CCDC144A: variants seen among roughly 807,000 people sequenced by gnomAD.
CCDC144A encodes the protein coiled-coil domain-containing protein 144A.
CCDC144A carries 41 observed loss-of-function variants against 143.8 expected under a neutral mutation model. The ratio of observed to expected loss-of-function variants is 0.29; its 90% CI spans 0.22 to 0.37. The LOEUF is 0.37. Ranked by LOEUF, CCDC144A falls within the 10% of genes least tolerant of loss-of-function variation. The pLI is 1.00. For missense variants in CCDC144A, 637 were observed against 1,488.8 expected (o/e 0.43, Z 9.41); for synonymous variants, 242 against 517.9 (o/e 0.47, Z 7.23).
the CCDC144A span, among the ~76,000 whole-genome samples, chr17:16,673,877 T>G: frequency 3.9e-5 from 6 of 152,124 alleles, no homozygotes; most frequent in African/African-American, 1.4e-4. Flanking sequence ...TGTATCTAAC[T>G]TACAGTAACC....
upstream of CCDC144A, among the ~76,000 whole-genome samples, chr17:16,685,634 C>T (rs1171504157): frequency 8.6e-5 from 13 of 151,860 alleles, no homozygotes; most frequent in Admixed American, 3.3e-4. Flanking sequence ...CCACCTGCCT[C>T]GGCCTCCCAA....
In CCDC144A at chr17:16,706,421, G is replaced by C; in HGVS notation, c.664+1022G>C. On this transcript the variant is annotated intron_variant, in intron 3 of 16. Coordinates refer to ENST00000399273, the MANE Select transcript of CCDC144A (RefSeq NM_001382000.1). ...ACTTCTGCTCAGCTCTCCATCTTTAGCCCTTTCCCCTGTGTGCCCTTTCTC... is the reference window on the plus strand; with the variant it reads ...ACTTCTGCTCAGCTCTCCATCTTTACCCCTTTCCCCTGTGTGCCCTTTCTC... 1.4e-5 allele frequency: 2 copies of C among 142,942 alleles called. 1 individual carries two copies. Among genetic ancestry groups the C allele is most frequent in the Admixed American group, 1.4e-4 (2 of 14,528 alleles). 8.9% of individuals were successfully genotyped at this position (142,942 alleles called of 1,614,324 possible).
rs369258391 is a variant in CCDC144A at position 16,710,120 on chromosome 17, A to G, written c.1578+485A>G. 46 of 174,738 alleles carry G rather than the reference A, an allele frequency of 2.6e-4. 1 individual carries two copies. The highest frequency in any genetic ancestry group is 4.3e-4 in the Admixed American group (8 of 18,440). The allele number at this position is 174,738 out of a possible 1,614,324, so 10.8% of individuals were successfully genotyped here. The stretch of plus-strand genomic sequence containing the variant: ...CTAGGGAGCCTAAGGCAGGAGGATC[A>G]TTTGAGGCCAGGCATTCTGGGCCGT... On this transcript the variant is annotated intron_variant, in intron 5 of 16. Coordinates refer to ENST00000399273, the MANE Select transcript of CCDC144A (RefSeq NM_001382000.1).
rs554966795 is a variant in CCDC144A, at chr17:16,737,423, C to T, written c.3372+1780C>T. Reference sequence around the variant, plus strand: ...CCTCGTGATCCGCCCGCCTCGGCCTCCCAAAGTGCTGGGATTACAGGCGTG... The same window carrying T: ...CCTCGTGATCCGCCCGCCTCGGCCTTCCAAAGTGCTGGGATTACAGGCGTG... On this transcript the variant is annotated intron_variant, in intron 12 of 16. Transcript: ENST00000399273. 2.0e-5 allele frequency: 23 copies of T among 1,136,758 alleles called. No individual in the cohort carries two copies. In the South Asian group the frequency reaches 3.3e-4, roughly 16 times the overall value. The allele number at this position is 1,136,758 out of a possible 1,614,324, so 70.4% of individuals were successfully genotyped here.
At chr17:16,736,504 A>G (rs1340767029) in intron 12 of CCDC144A, among the ~76,000 whole-genome samples, 5 of 150,404 alleles carry the variant, frequency 3.3e-5, no homozygotes, top group Non-Finnish European at 7.4e-5. Context: ...TGGTGTTTAT[A>G]ATTTACTTTG....
At chr17:16,667,354 G>GAGGCTGAGGCGGCTGAGGA in the CCDC144A span, among the ~76,000 whole-genome samples, 3 of 96,620 alleles carry the variant, frequency 3.1e-5, no homozygotes, top group East Asian at 4.5e-4. Context: ...AGGAGCTGAG[G>GAGGCTGAGGCGGCTGAGGA]GGCTGAGGCG....
chr17:16,710,643 A>G (rs1912352389), intron 5 of CCDC144A, among the ~76,000 whole-genome samples: 1 of 152,058 alleles, frequency 6.6e-6, no homozygotes, highest in Non-Finnish European at 1.5e-5. Context: ...TTTGGCATAT[A>G]TATTTTTTCC....
At chr17:16,770,440 T>C (rs2656410) in intron 15 of CCDC144A, among the ~76,000 whole-genome samples, 17 of 152,366 alleles carry the variant, frequency 1.1e-4, no homozygotes, top group Admixed American at 3.3e-4. Flanking sequence ...TGAGCCACCG[T>C]GCCCAGCCTG....
the CCDC144A span, chr17:16,683,849 A>G: frequency 7.2e-7 from 1 of 1,391,240 alleles, no homozygotes. Flanking sequence ...TAGCAGAGAC[A>G]CGTTTTCCTA....
chr17:16,736,687 T>C (rs1053543700), intron 12 of CCDC144A, among the ~76,000 whole-genome samples: 2 of 151,768 alleles, frequency 1.3e-5, no homozygotes, highest in Non-Finnish European at 2.9e-5. Context: ...ATAGCAGGAA[T>C]GGACTGAATC....
At chr17:16,757,525 G>C (rs1277687068) in intron 12 of CCDC144A, among the ~76,000 whole-genome samples, 1 of 152,244 alleles carries the variant, frequency 6.6e-6, no homozygotes, top group African/African-American at 2.4e-5. Flanking sequence ...TCAGGGTCCT[G>C]GACAGTGTAT....
chr17:16,671,273 A>C, the CCDC144A span, among the ~76,000 whole-genome samples: 18 of 152,092 alleles, frequency 1.2e-4, no homozygotes, highest in Non-Finnish European at 1.5e-5. Context: ...GTGAGCAACC[A>C]TGCCTGGCCT....
At chr17:16,716,938 C>T (rs925729133) in intron 6 of CCDC144A, among the ~76,000 whole-genome samples, 1 of 151,424 alleles carries the variant, frequency 6.6e-6, no homozygotes, top group African/African-American at 2.4e-5. Flanking sequence ...CTCAGCCTCC[C>T]GAGTAGCTGG....
At chr17:16,742,254 C>T (rs1914290381) in intron 12 of CCDC144A, among the ~76,000 whole-genome samples, 1 of 152,202 alleles carries the variant, frequency 6.6e-6, no homozygotes. Flanking sequence ...GTTCTACTCT[C>T]TACTTCCGTG....
intron 2 of CCDC144A, among the ~76,000 whole-genome samples, chr17:16,694,667 G>A (rs555110519): frequency 2.5e-4 from 38 of 152,044 alleles, no homozygotes; most frequent in African/African-American, 8.9e-4. Context: ...GACCTTCTGA[G>A]TGCAGAAGTC....
intron 12 of CCDC144A, among the ~76,000 whole-genome samples, chr17:16,749,655 T>C (rs1255004681): frequency 6.6e-6 from 1 of 152,222 alleles, no homozygotes; most frequent in Non-Finnish European, 1.5e-5. Context: ...TAGTTTTTTG[T>C]CTCAATGATT....
chr17:16,772,635 T>C (rs1157099443), intron 16 of CCDC144A: 2 of 1,586,108 alleles, frequency 1.3e-6, no homozygotes, highest in Admixed American at 3.3e-5. Context: ...AATTCCACAG[T>C]GCTCGTCCTT....
At chr17:16,730,695 T>A (rs966658437) in intron 9 of CCDC144A, among the ~76,000 whole-genome samples, 24 of 126,552 alleles carry the variant, frequency 1.9e-4, no homozygotes, top group Middle Eastern at 4.0e-3. Context: ...CTTTTAGAGA[T>A]CTTTCACCTC....
At chr17:16,757,889 G>T (rs1307591353) in intron 12 of CCDC144A, among the ~76,000 whole-genome samples, 2 of 152,156 alleles carry the variant, frequency 1.3e-5, no homozygotes, top group African/African-American at 4.8e-5. Context: ...CTAGGGATTT[G>T]GGGGAATCGG....
Sources: gnomAD v4.1 joint callset for allele counts (sites outside exome capture counted in the v4.1 genomes callset) on GRCh38, gnomAD v4.1.1 for gene constraint, MANE v1.5 for transcripts, NCBI Gene and HGNC (gene_info 2026-07-23, HGNC 2026-07-21) for gene names.